CCSER1: variants seen among roughly 807,000 people sequenced by gnomAD.
The protein encoded by CCSER1 is coiled-coil serine rich protein 1.
In CCSER1, 41 loss-of-function variants were observed where a neutral mutation model predicts 82.0. The ratio of observed to expected loss-of-function variants is 0.50; its 90% CI spans 0.39 to 0.65. The LOEUF is 0.65. Among genes scored for constraint, CCSER1 ranks in the 30% least tolerant of loss-of-function variants. CCSER1 has a pLI of 0.00. For synonymous variants in CCSER1, 414 were observed against 383.9 expected (o/e 1.08, Z -0.92); for missense variants, 1,119 against 1,064.2 (o/e 1.05, Z -0.72).
At chr4:90,279,346 T>G (rs898932086) in intron 1 of CCSER1, among the ~76,000 whole-genome samples, 1 of 152,058 alleles carries the variant, frequency 6.6e-6, no homozygotes, top group African/African-American at 2.4e-5. Context: ...AGAATAAGAA[T>G]ATGGATTATA....
At chr4:91,236,240 C>G (rs1332550042) in intron 10 of CCSER1, among the ~76,000 whole-genome samples, 1 of 152,142 alleles carries the variant, frequency 6.6e-6, no homozygotes, top group Non-Finnish European at 1.5e-5. Flanking sequence ...GTAATCCCAG[C>G]ACTTTGGGAG....
chr4:91,189,057 G>T (rs7434803), intron 10 of CCSER1, among the ~76,000 whole-genome samples: 43,726 of 151,770 alleles, frequency 0.29, 6,735 homozygotes, highest in African/African-American at 0.39. Context: ...CCTCCCGAAC[G>T]GTATATATAA....
chr4:90,851,309 C>G (rs1469079855), intron 8 of CCSER1, among the ~76,000 whole-genome samples: 3 of 152,096 alleles, frequency 2.0e-5, no homozygotes, highest in Non-Finnish European at 4.4e-5. Flanking sequence ...CACAAAAGAA[C>G]TCTACAGGCA....
chr4:90,433,512 A>AT (rs1195894491), intron 4 of CCSER1, among the ~76,000 whole-genome samples: 1 of 152,078 alleles, frequency 6.6e-6, no homozygotes, highest in Non-Finnish European at 1.5e-5. Context: ...AATGATACCA[A>AT]GATATTAAAA....
chr4:90,492,891 T>A (rs1768289962), intron 5 of CCSER1, among the ~76,000 whole-genome samples: 1 of 152,126 alleles, frequency 6.6e-6, no homozygotes, highest in South Asian at 2.1e-4. Context: ...AGATAGTTTG[T>A]TAAAGCTTCT....
chr4:90,860,184 G>A (rs1764910796), intron 8 of CCSER1, among the ~76,000 whole-genome samples: 2 of 151,450 alleles, frequency 1.3e-5, no homozygotes, highest in Admixed American at 6.6e-5. Flanking sequence ...GTTTTAAAAT[G>A]GGCATACCAT....
At chr4:91,404,951 G>T (rs1056182310) in intron 10 of CCSER1, among the ~76,000 whole-genome samples, 13 of 152,146 alleles carry the variant, frequency 8.5e-5, no homozygotes, top group African/African-American at 2.9e-4. Context: ...GGATATCCTT[G>T]TTAACTTTCT....
At chr4:90,219,253 G>A (rs1741683855) in intron 1 of CCSER1, among the ~76,000 whole-genome samples, 1 of 152,190 alleles carries the variant, frequency 6.6e-6, no homozygotes. Context: ...GTTGGGGATT[G>A]ATGGGGAGAA....
intron 9 of CCSER1, among the ~76,000 whole-genome samples, chr4:91,027,910 G>C (rs527558970): frequency 6.6e-6 from 1 of 151,960 alleles, no homozygotes; most frequent in Non-Finnish European, 1.5e-5. Flanking sequence ...CATTCTGTCC[G>C]TTATAACTCT....
chr4:91,163,682 G>A (rs184337002), intron 10 of CCSER1, among the ~76,000 whole-genome samples: 60 of 152,248 alleles, frequency 3.9e-4, no homozygotes, highest in African/African-American at 1.2e-3. Flanking sequence ...TTACCCTTAT[G>A]TAATGGCCTT....
At chr4:90,578,569 A>G (rs1781031151) in intron 5 of CCSER1, among the ~76,000 whole-genome samples, 1 of 152,192 alleles carries the variant, frequency 6.6e-6, no homozygotes. Flanking sequence ...TCAAAGTGAT[A>G]TATTTAAGGA....
At chr4:90,510,797 G>A (rs1238529858) in intron 5 of CCSER1, among the ~76,000 whole-genome samples, 4 of 152,162 alleles carry the variant, frequency 2.6e-5, no homozygotes, top group Non-Finnish European at 4.4e-5. Context: ...CAAAGGATAG[G>A]CCCAGCAGTA....
intron 10 of CCSER1, among the ~76,000 whole-genome samples, chr4:91,354,383 C>G (rs2149303829): frequency 6.6e-6 from 1 of 152,302 alleles, no homozygotes; most frequent in South Asian, 2.1e-4. Context: ...ATACAGCTAC[C>G]TGTCCACTGA....
chr4:90,139,486 T>G (rs1385569119), intron 1 of CCSER1, among the ~76,000 whole-genome samples: 1 of 152,322 alleles, frequency 6.6e-6, no homozygotes, highest in East Asian at 1.9e-4. Flanking sequence ...GGTCATATGT[T>G]CCTGTTTCCT....
chr4:90,349,620 C>T (rs17016850), intron 3 of CCSER1, among the ~76,000 whole-genome samples: 44,465 of 151,772 alleles, frequency 0.29, 6,661 homozygotes, highest in East Asian at 0.44. Flanking sequence ...TTGTTTGTCA[C>T]GTATTTCATT....
At chr4:90,674,652 C>A (rs1733488881) in intron 6 of CCSER1, among the ~76,000 whole-genome samples, 1 of 151,758 alleles carries the variant, frequency 6.6e-6, no homozygotes, top group Non-Finnish European at 1.5e-5. Context: ...TTAATACATT[C>A]AATCCACAGA....
At chr4:90,920,748 G>A (rs1463180425) in intron 8 of CCSER1, among the ~76,000 whole-genome samples, 1 of 151,850 alleles carries the variant, frequency 6.6e-6, no homozygotes, top group Non-Finnish European at 1.5e-5. Context: ...CACAGTGGAA[G>A]TGTCTTCATA....
intron 8 of CCSER1, among the ~76,000 whole-genome samples, chr4:90,832,929 C>T (rs181143039): frequency 7.6e-4 from 116 of 152,124 alleles, no homozygotes; most frequent in Non-Finnish European, 1.5e-3. Flanking sequence ...TATATGTTAT[C>T]CTATTTATAG....
At chr4:90,386,325 T>G (rs901168361) in intron 3 of CCSER1, among the ~76,000 whole-genome samples, 36 of 152,222 alleles carry the variant, frequency 2.4e-4, no homozygotes, top group African/African-American at 8.7e-4. Context: ...TTGAACAGAA[T>G]AGAGAATCCA....
Sources: gnomAD v4.1 joint callset for allele counts (sites outside exome capture counted in the v4.1 genomes callset) on GRCh38, gnomAD v4.1.1 for gene constraint, MANE v1.5 for transcripts, NCBI Gene and HGNC (gene_info 2026-07-23, HGNC 2026-07-21) for gene names.